OCM: variants seen among roughly 807,000 people sequenced by gnomAD.
OCM encodes oncomodulin-1.
A neutral mutation model predicts 14.1 loss-of-function variants in OCM; 18 were observed. The observed-to-expected ratio is 1.28, with a 90% CI of 0.88 to 1.89. The LOEUF (loss-of-function observed/expected upper bound fraction) is 1.89. Ranked by LOEUF, OCM falls within the 40% of genes most tolerant of loss-of-function variation. The pLI is 0.00. For missense variants in OCM, 140 were observed against 137.6 expected, an observed-to-expected ratio of 1.02 and a Z score of -0.09; for synonymous variants, 48 against 51.0, an observed-to-expected ratio of 0.94 and a Z score of 0.25.
rs754520513 is a variant in OCM, at chr7:5,886,027, A to G, written c.305-37A>G. ...CGGCACGTCTGTAAAGAACCAAGCC[A>G]CCTCCACTGACCCTGTTCTCACCTC... On this transcript the variant is annotated intron_variant, in intron 3 of 3. Coordinates refer to ENST00000242104, the MANE Select transcript of OCM (RefSeq NM_001097622.2). 6.8e-6 allele frequency: 11 copies of G among 1,613,842 alleles called. No individual in the cohort carries two copies. In the South Asian group the frequency reaches 1.1e-4, roughly 16 times the overall value.
At chr7:5,881,012 C>G (rs1018567662) in intron 1 of OCM, 62 bp downstream of exon 1, 14 of 1,551,040 alleles carry the variant, frequency 9.0e-6, no homozygotes, top group Non-Finnish European at 8.9e-7. Flanking sequence ...AGCGAGTCAA[C>G]ACAAAATCAA....
At chr7:5,871,174 C>T in the OCM span, among the ~76,000 whole-genome samples, 3 of 52,498 alleles carry the variant, frequency 5.7e-5, no homozygotes, top group African/African-American at 1.5e-4. Flanking sequence ...TAGTGAGAGC[C>T]CCCCCCCCGT....
chr7:5,876,041 G>A (rs1781088446), upstream of OCM, among the ~76,000 whole-genome samples: 1 of 151,858 alleles, frequency 6.6e-6, no homozygotes, highest in Admixed American at 6.6e-5. Flanking sequence ...GTCTTGCTCT[G>A]TCACCCAGGC....
upstream of OCM, among the ~76,000 whole-genome samples, chr7:5,879,107 G>C (rs1012564962): frequency 6.6e-6 from 1 of 152,090 alleles, no homozygotes; most frequent in African/African-American, 2.4e-5. Context: ...AGACTGAAGT[G>C]GGAGGATCGC....
the OCM span, among the ~76,000 whole-genome samples, chr7:5,865,328 C>G: frequency 0.56 from 84,702 of 152,090 alleles, 24,902 homozygotes; most frequent in African/African-American, 0.75. Context: ...GAATTTTCTT[C>G]CTGGTTTTGC....
chr7:5,868,442 C>T, the OCM span, among the ~76,000 whole-genome samples: 10 of 152,236 alleles, frequency 6.6e-5, no homozygotes, highest in South Asian at 2.1e-4. Flanking sequence ...CCACCGCGCC[C>T]GGCCACTCCC....
upstream of OCM, among the ~76,000 whole-genome samples, chr7:5,875,040 C>A (rs1314678414): frequency 2.8e-5 from 4 of 144,178 alleles, no homozygotes; most frequent in East Asian, 3.9e-4. Flanking sequence ...ATATCTATAT[C>A]TATATATATA....
chr7:5,860,551 A>G, the OCM span, among the ~76,000 whole-genome samples: 1 of 115,598 alleles, frequency 8.7e-6, no homozygotes, highest in Non-Finnish European at 1.8e-5. Flanking sequence ...ACGTATATAT[A>G]CGTGTATATA....
chr7:5,879,821 T>C (rs1413066781), upstream of OCM: 1 of 151,412 alleles, frequency 6.6e-6, no homozygotes, highest in Non-Finnish European at 1.5e-5. Context: ...ACTTGATCCT[T>C]GAAAAGGAAA....
chr7:5,877,085 C>T (rs1264752603), upstream of OCM, among the ~76,000 whole-genome samples: 2 of 152,118 alleles, frequency 1.3e-5, no homozygotes, highest in South Asian at 2.1e-4. Context: ...GGATTACAGG[C>T]GTGAGCCACC....
the OCM span, among the ~76,000 whole-genome samples, chr7:5,870,044 CGTT>C: frequency 6.6e-6 from 1 of 151,366 alleles, no homozygotes; most frequent in Non-Finnish European, 1.5e-5. Context: ...TTGTTTTCTT[CGTT>C]ATTATATATT....
chr7:5,859,784 G>A, the OCM span, among the ~76,000 whole-genome samples: 3 of 151,772 alleles, frequency 2.0e-5, no homozygotes, highest in African/African-American at 7.3e-5. Flanking sequence ...TGCAACCTCC[G>A]CCTCCCGGGT....
chr7:5,865,521 A>G, the OCM span, among the ~76,000 whole-genome samples: 2 of 152,332 alleles, frequency 1.3e-5, no homozygotes, highest in African/African-American at 2.4e-5. Context: ...CGTGAAGGTC[A>G]TTTATGGTGG....
the OCM span, among the ~76,000 whole-genome samples, chr7:5,864,323 G>A: frequency 9.1e-5 from 13 of 142,770 alleles, no homozygotes; most frequent in Non-Finnish European, 1.7e-4. Flanking sequence ...CTCCAGCCTG[G>A]GTGACAGGGG....
At chr7:5,866,787 G>T in the OCM span, among the ~76,000 whole-genome samples, 5 of 152,084 alleles carry the variant, frequency 3.3e-5, no homozygotes, top group Non-Finnish European at 5.9e-5. Context: ...TCCCTGTCTA[G>T]TTCCAGTTTA....
chr7:5,868,267 C>G, the OCM span, among the ~76,000 whole-genome samples: 4 of 152,092 alleles, frequency 2.6e-5, no homozygotes, highest in African/African-American at 4.8e-5. Context: ...CTGCCTCAAC[C>G]TCCTGAGTAG....
the OCM span, among the ~76,000 whole-genome samples, chr7:5,862,916 T>C: frequency 4.8e-5 from 7 of 145,018 alleles, no homozygotes; most frequent in Non-Finnish European, 1.1e-4. Flanking sequence ...GTTTATCTTA[T>C]GTAAAATGTA....
the OCM span, among the ~76,000 whole-genome samples, chr7:5,868,617 A>G: frequency 2.0e-5 from 3 of 152,128 alleles, no homozygotes; most frequent in South Asian, 2.1e-4. Flanking sequence ...TCTCTCAGAT[A>G]ATTTTAAGGA....
the OCM span, among the ~76,000 whole-genome samples, chr7:5,869,114 A>G: frequency 9.2e-5 from 14 of 152,238 alleles, no homozygotes; most frequent in South Asian, 2.9e-3. Flanking sequence ...AAAGTTCCAC[A>G]TAGCTAGGCT....
Sources: gnomAD v4.1 joint callset for allele counts (sites outside exome capture counted in the v4.1 genomes callset) on GRCh38, gnomAD v4.1.1 for gene constraint, MANE v1.5 for transcripts, NCBI Gene and HGNC (gene_info 2026-07-23, HGNC 2026-07-21) for gene names.